Variants in CNTN1 observed in about 807,000 individuals in gnomAD.
The protein encoded by CNTN1 is contactin 1.
A neutral mutation model predicts 126.4 loss-of-function variants in CNTN1; 38 were observed. That is an observed-to-expected ratio of 0.30 (90% CI 0.23 to 0.39). The LOEUF (loss-of-function observed/expected upper bound fraction) is 0.39, where lower values mean the gene tolerates loss of function less well. Among genes scored for constraint, CNTN1 ranks in the 10% least tolerant of loss-of-function variants. CNTN1 has a pLI of 1.00. For missense variants in CNTN1, 1,009 were observed against 1,248.4 expected (o/e 0.81, Z 2.89); for synonymous variants, 413 against 422.6 (o/e 0.98, Z 0.28).
chr12:40,991,813 G>C (rs747037090), intron 16 of CNTN1, among the ~76,000 whole-genome samples: 1 of 152,042 alleles, frequency 6.6e-6, no homozygotes, highest in East Asian at 1.9e-4. Flanking sequence ...GGGTGACAGA[G>C]TGAGACTCCG....
rs1566039055 is a variant in CNTN1 at position 40,959,134 on chromosome 12, A to G, written c.1704A>G (p.Leu568=). 2 of 1,612,630 alleles carry G rather than the reference A, an allele frequency of 1.2e-6. No individual in the cohort carries two copies. Among genetic ancestry groups the G allele is most frequent in the South Asian group, 1.1e-5 (1 of 91,066 alleles). Residue 568 remains leucine (L), a synonymous_variant, in exon 15 of 24, where the codon TTA becomes TTG. Transcript: ENST00000551295. Reference sequence around the variant, plus strand: ...AACAGCTGGATTCCAATGGGGAATTACTAATCCGAAATGCGCAGCTGAAAC... The same window carrying G: ...AACAGCTGGATTCCAATGGGGAATTGCTAATCCGAAATGCGCAGCTGAAAC... ...RNFMLDSNGE[L]LIRNAQLKHA...
intron 14 of CNTN1, among the ~76,000 whole-genome samples, chr12:40,953,605 T>C (rs1276846764): frequency 1.3e-5 from 2 of 152,194 alleles, no homozygotes; most frequent in African/African-American, 4.8e-5. Flanking sequence ...TTCTTACTGC[T>C]TTATGCAAGT....
chr12:40,969,058 C>T (rs1340526258), intron 15 of CNTN1, among the ~76,000 whole-genome samples: 1 of 152,100 alleles, frequency 6.6e-6, no homozygotes. Context: ...CTAAATAAGA[C>T]AAAAACACCT....
chr12:40,991,251 C>T (rs1244475528), intron 16 of CNTN1, among the ~76,000 whole-genome samples: 3 of 152,082 alleles, frequency 2.0e-5, no homozygotes, highest in Non-Finnish European at 4.4e-5. Flanking sequence ...TGGCCTTCTG[C>T]TCTTCTAGGT....
intron 1 of CNTN1, among the ~76,000 whole-genome samples, chr12:40,770,621 T>C (rs544233111): frequency 1.4e-4 from 22 of 152,246 alleles, no homozygotes; most frequent in Admixed American, 2.6e-4. Flanking sequence ...CCTATACCAA[T>C]TCACATATTG....
chr12:41,016,975 G>C, intron 19 of CNTN1, 59 bp downstream of exon 19: 1 of 1,414,842 alleles, frequency 7.1e-7, no homozygotes, highest in Non-Finnish European at 1.0e-6. Context: ...TTCTCTAGCA[G>C]GCATTTAGTT....
rs566857307 is a variant in CNTN1, at chr12:41,003,499, G to A, written c.2113+10230G>A. ...TGGAGTCCCTCCTCCTCAATTTTTC[G>A]GAATAGTTTCAGCAGGAATGGTACC... is the stretch of plus-strand genomic sequence containing the variant. On this transcript the variant is annotated intron_variant, in intron 17 of 23. Transcript: ENST00000551295. 1.1e-4 allele frequency among the ~76,000 whole-genome samples: 17 copies of A among 151,966 alleles called. No homozygotes were observed. The Middle Eastern group carries it at 0.014, about 122-fold the overall frequency.
At chr12:40,818,845 T>G (rs1941343212) in intron 1 of CNTN1, among the ~76,000 whole-genome samples, 1 of 152,162 alleles carries the variant, frequency 6.6e-6, no homozygotes, top group African/African-American at 2.4e-5. Context: ...GACCTTTGGA[T>G]GGGGTTTTTC....
At chr12:41,048,153 C>T (rs994067963) in intron 23 of CNTN1, among the ~76,000 whole-genome samples, 3 of 152,186 alleles carry the variant, frequency 2.0e-5, no homozygotes, top group Non-Finnish European at 4.4e-5. Flanking sequence ...CAAGCCTACA[C>T]TTTCATGGCT....
At chr12:40,822,440 T>C (rs754312646) in intron 1 of CNTN1, among the ~76,000 whole-genome samples, 3 of 152,032 alleles carry the variant, frequency 2.0e-5, no homozygotes, top group South Asian at 2.1e-4. Flanking sequence ...AATATTATTA[T>C]ACTATCTTGC....
intron 1 of CNTN1, among the ~76,000 whole-genome samples, chr12:40,721,779 T>C (rs1035293959): frequency 1.4e-5 from 2 of 145,328 alleles, no homozygotes; most frequent in Non-Finnish European, 1.5e-5. Context: ...TCAATTCCCA[T>C]CTATGAGTGA....
intron 17 of CNTN1, among the ~76,000 whole-genome samples, chr12:41,004,582 GCTCT>G (rs1948444954): frequency 6.6e-6 from 1 of 152,126 alleles, no homozygotes; most frequent in African/African-American, 2.4e-5. Context: ...TCTCTTTAAA[GCTCT>G]CTAAGAATTT....
intron 14 of CNTN1, among the ~76,000 whole-genome samples, chr12:40,953,657 A>T (rs2136988255): frequency 6.6e-6 from 1 of 152,308 alleles, no homozygotes; most frequent in Admixed American, 6.5e-5. Context: ...CTAGTTTAAC[A>T]TTAAACTTTT....
rs188220856 is a variant in CNTN1, at chr12:40,978,421, C to T, written c.1805-2488C>T. 1.6e-3 allele frequency among the ~76,000 whole-genome samples: 249 copies of T among 151,992 alleles called. 3 individuals carry two copies. Among genetic ancestry groups the T allele is most frequent in the African/African-American group, 5.2e-3 (215 of 41,462 alleles). On this transcript the variant is annotated intron_variant, in intron 15 of 23. Coordinates refer to ENST00000551295, the MANE Select transcript of CNTN1 (RefSeq NM_001843.4). ...ACACAACCCTTTCCATTTGTCTTCT[C>T]GATTCCACCTCTTCATGATGATATA... is the stretch of plus-strand genomic sequence containing the variant.
intron 1 of CNTN1, among the ~76,000 whole-genome samples, chr12:40,894,114 C>T (rs1210414322): frequency 6.6e-6 from 1 of 152,078 alleles, no homozygotes; most frequent in African/African-American, 2.4e-5. Context: ...CTGGTTCATA[C>T]CCTCCTTGAA....
At chr12:40,717,474 C>T (rs915970886) in intron 1 of CNTN1, among the ~76,000 whole-genome samples, 1 of 152,066 alleles carries the variant, frequency 6.6e-6, no homozygotes, top group Non-Finnish European at 1.5e-5. Context: ...AAATTTTTTT[C>T]TTCCTTTCAG....
At chr12:41,069,390 T>C (rs1186489226) in intron 23 of CNTN1, among the ~76,000 whole-genome samples, 2 of 152,206 alleles carry the variant, frequency 1.3e-5, no homozygotes, top group Non-Finnish European at 2.9e-5. Context: ...TATGTTGTCA[T>C]TGTTTCAGGA....
intron 23 of CNTN1, among the ~76,000 whole-genome samples, chr12:41,057,174 A>AT: frequency 1.5e-5 from 2 of 129,802 alleles, no homozygotes; most frequent in East Asian, 2.1e-4. Context: ...AGATATTTAT[A>AT]TTATAAATAT....
chr12:40,820,815 A>C (rs568241104), intron 1 of CNTN1, among the ~76,000 whole-genome samples: 15 of 152,274 alleles, frequency 9.9e-5, no homozygotes, highest in Non-Finnish European at 1.6e-4. Context: ...TAGATATCTC[A>C]GGTGTGCCAT....
Sources: allele counts gnomAD v4.1 joint callset (sites outside exome capture counted in the v4.1 genomes callset), GRCh38; gene constraint gnomAD v4.1.1; transcripts MANE v1.5; gene names NCBI Gene and HGNC (gene_info 2026-07-23, HGNC 2026-07-21).